The following VWA2 variants were observed in gnomAD, a reference collection of about 807,000 sequenced individuals.
The protein encoded by VWA2 is von Willebrand factor A domain-containing protein 2.
Under a neutral mutation model 70.4 loss-of-function variants are expected in VWA2, and 73 were observed. The ratio of observed to expected loss-of-function variants is 1.04; its 90% CI spans 0.86 to 1.26. VWA2 has a LOEUF of 1.26. VWA2 is among the 50% of genes most tolerant of loss of function. The probability of loss-of-function intolerance (pLI) is 0.00; values close to 1 mark genes in which losing one functional copy is unlikely to be tolerated. For synonymous variants in VWA2, 407 were observed against 423.3 expected (o/e 0.96, Z 0.47); for missense variants, 1,011 against 998.5 (o/e 1.01, Z -0.17).
chr10:114,246,007 T>A, intron 1 of VWA2: 1 of 572,184 alleles, frequency 1.7e-6, no homozygotes, highest in South Asian at 1.5e-5. Context: ...TATTGGGTGG[T>A]CAGTACATGC....
chr10:114,284,759 G>C (rs1438047893), intron 9 of VWA2, 104 bp from the exon 10 acceptor site: 1 of 1,065,310 alleles, frequency 9.4e-7, no homozygotes, highest in East Asian at 2.9e-5. Flanking sequence ...GGAGGGGCTG[G>C]GCCACTGCTA....
intron 9 of VWA2, 101 bp from the exon 10 acceptor site, chr10:114,284,762 C>A: frequency 9.0e-7 from 1 of 1,113,086 alleles, no homozygotes; most frequent in Non-Finnish European, 1.3e-6. Flanking sequence ...GGGGCTGGGC[C>A]ACTGCTAGAG....
intron 5 of VWA2, 93 bp downstream of exon 5, chr10:114,261,388 G>GTCCTCTCTGTGAGCCC: frequency 9.9e-7 from 1 of 1,010,010 alleles, no homozygotes; most frequent in African/African-American, 1.6e-5. Context: ...TGGGCTCACA[G>GTCCTCTCTGTGAGCCC]AGAGGACTGT....
intron 1 of VWA2, among the ~76,000 whole-genome samples, chr10:114,247,478 C>T (rs2037096291): frequency 1.3e-5 from 2 of 152,016 alleles, no homozygotes; most frequent in African/African-American, 2.4e-5. Flanking sequence ...TTTGTATTTT[C>T]AGTAGAGACA....
At chr10:114,252,035 G>T (rs1256762299) in intron 2 of VWA2, among the ~76,000 whole-genome samples, 1 of 152,078 alleles carries the variant, frequency 6.6e-6, no homozygotes, top group African/African-American at 2.4e-5. Flanking sequence ...TTGAACCCCT[G>T]ACCTCAGGTG....
chr10:114,242,717 G>A (rs544419229), intron 1 of VWA2, among the ~76,000 whole-genome samples: 26 of 152,242 alleles, frequency 1.7e-4, no homozygotes, highest in Non-Finnish European at 2.6e-4. Context: ...CTTGGGTCTC[G>A]TCTTCTCCAA....
intron 6 of VWA2, among the ~76,000 whole-genome samples, chr10:114,276,058 T>G (rs1423790478): frequency 1.3e-5 from 2 of 152,240 alleles, no homozygotes; most frequent in African/African-American, 2.4e-5. Flanking sequence ...AGTGTTTCAG[T>G]GTCTGCGCTT....
chr10:114,278,006 G>A lies in VWA2; in HGVS notation c.659G>A (p.Ser220Asn), dbSNP rs1200944207. ...GAGGATGCCACCAACGGCCTCTTCA[G>A]CACCCTCAGCAGCTCGGCCATCTGC... The part of the protein sequence containing the change: ...QVEDATNGLF[S>N]TLSSSAICSS... Residue 220 changes from serine to asparagine, a missense_variant, in exon 7 of 14, where the codon AGC becomes AAC. Transcript: ENST00000392982. 1.2e-6 allele frequency: 2 copies of A among 1,612,932 alleles called. No individual in the cohort carries two copies. The highest frequency in any genetic ancestry group is 3.3e-5 in the Admixed American group (2 of 60,016).
At chr10:114,251,137 A>T (rs1011310202) in intron 2 of VWA2, among the ~76,000 whole-genome samples, 7 of 152,260 alleles carry the variant, frequency 4.6e-5, no homozygotes, top group African/African-American at 1.7e-4. Context: ...TAGATTAGTG[A>T]TTCTCAACTC....
intron 4 of VWA2, among the ~76,000 whole-genome samples, chr10:114,259,660 G>A (rs995475022): frequency 6.6e-6 from 1 of 151,796 alleles, no homozygotes; most frequent in African/African-American, 2.4e-5. Context: ...CTTTATTTTT[G>A]GTAGATTGCT....
chr10:114,273,349 G>A (rs2133364826), intron 6 of VWA2, among the ~76,000 whole-genome samples: 1 of 152,278 alleles, frequency 6.6e-6, no homozygotes, highest in South Asian at 2.1e-4. Flanking sequence ...TAGGAAGCTG[G>A]AACTGGAGCT....
intron 1 of VWA2, among the ~76,000 whole-genome samples, chr10:114,247,191 A>G (rs2037090751): frequency 9.0e-6 from 1 of 110,680 alleles, no homozygotes; most frequent in Non-Finnish European, 2.0e-5. Context: ...TTAAGTGTGA[A>G]AAAAAAAAAA....
At chr10:114,264,596 T>G (rs188925327) in intron 5 of VWA2, among the ~76,000 whole-genome samples, 2 of 152,076 alleles carry the variant, frequency 1.3e-5, no homozygotes, top group African/African-American at 4.8e-5. Flanking sequence ...TTTTTTTGTA[T>G]TTTTAGTAGA....
intron 4 of VWA2, among the ~76,000 whole-genome samples, chr10:114,260,757 G>A (rs1252543452): frequency 6.6e-6 from 1 of 152,108 alleles, no homozygotes; most frequent in African/African-American, 2.4e-5. Flanking sequence ...TCCATATTGG[G>A]GTTTCTCCAA....
intron 6 of VWA2, 80 bp downstream of exon 6, chr10:114,273,014 G>A (rs545227823): frequency 1.1e-5 from 14 of 1,327,594 alleles, no homozygotes; most frequent in Non-Finnish European, 1.4e-5. Flanking sequence ...GGGAAGGGAG[G>A]GGACTGGAAG....
rs1163393391 is a variant in VWA2 at position 114,293,038 on chromosome 10, T to G, written c.*1801T>G. Among the ~76,000 whole-genome samples the G allele has an allele frequency of 1.3e-5, 2 of 152,216 alleles. No individual in the cohort carries two copies. Among genetic ancestry groups the G allele is most frequent in the Non-Finnish European group, 2.9e-5 (2 of 68,042 alleles). ...TCTTTATAAATATTGTAACATAATG[T>G]TTTATAGACAAACATTCAAGGGTAC... On this transcript the variant is annotated 3_prime_UTR_variant, in exon 14 of 14. Transcript: ENST00000392982.
intron 5 of VWA2, among the ~76,000 whole-genome samples, chr10:114,269,782 A>T (rs1033558787): frequency 5.3e-5 from 8 of 152,244 alleles, no homozygotes; most frequent in African/African-American, 1.9e-4. Flanking sequence ...ATGGACCACA[A>T]GGGAGGGGAG....
At position 114,286,056 on chromosome 10, in the gene VWA2, C is replaced by G; in HGVS notation, c.1115C>G (p.Ala372Gly). The G allele has an allele frequency of 6.2e-7, 1 of 1,614,166 alleles. No homozygotes were observed. Among genetic ancestry groups the G allele is most frequent in the Non-Finnish European group, 8.5e-7 (1 of 1,180,032 alleles). The change falls in exon 11 of 14, where the codon GCC (alanine) becomes GGC (glycine). Residue 372 changes from alanine (A) to glycine (G), a missense_variant. Physicochemically the swap from Ala to Gly is moderately conservative, Grantham distance 60. Coordinates refer to ENST00000392982, the MANE Select transcript of VWA2 (RefSeq NM_001272046.2). ...AKVFVKRFVR[A>G]VLSEDSRARV... ...GTCTTCGTGAAGCGGTTTGTGCGGGCCGTGCTGAGCGAGGACTCTCGGGCC... is the reference window on the plus strand; with the variant it reads ...GTCTTCGTGAAGCGGTTTGTGCGGGGCGTGCTGAGCGAGGACTCTCGGGCC...
At chr10:114,283,648 CTCA>C (rs2038481180) in intron 9 of VWA2, among the ~76,000 whole-genome samples, 1 of 152,224 alleles carries the variant, frequency 6.6e-6, no homozygotes, top group Non-Finnish European at 1.5e-5. Context: ...CTTCAGCTTC[CTCA>C]TCTGTCATAT....
Sources: gnomAD v4.1 joint callset for allele counts (sites outside exome capture counted in the v4.1 genomes callset) on GRCh38, gnomAD v4.1.1 for gene constraint, MANE v1.5 for transcripts, NCBI Gene and HGNC (gene_info 2026-07-23, HGNC 2026-07-21) for gene names.